Variants in CEACAM4 observed in about 807,000 individuals in gnomAD.
CEACAM4 encodes cell adhesion molecule CEACAM4.
CEACAM4 carries 30 observed loss-of-function variants against 28.7 expected under a neutral mutation model. The observed-to-expected ratio is 1.05, with a 90% CI of 0.78 to 1.42. The LOEUF (loss-of-function observed/expected upper bound fraction) is 1.42, where lower values mean the gene tolerates loss of function less well. Ranked by LOEUF, CEACAM4 falls within the 40% of genes most tolerant of loss-of-function variation. The pLI, the probability that CEACAM4 is intolerant of heterozygous loss-of-function variation, is 0.00. For synonymous variants in CEACAM4, 143 were observed against 126.5 expected, an observed-to-expected ratio of 1.13 and a Z score of -0.87; for missense variants, 330 against 308.2, an observed-to-expected ratio of 1.07 and a Z score of -0.53.
In CEACAM4 at chr19:41,627,000, C is replaced by T. The variant is rs1242949916; in HGVS notation, c.-37G>A. On this transcript the variant is annotated 5_prime_UTR_variant, in exon 1 of 7. Coordinates refer to ENST00000221954, the MANE Select transcript of CEACAM4 (RefSeq NM_001817.4). ...CCTGCTTGTCCTCTGTGGAGAGGAG[C>T]TGGGCTCCAGGAACGCTCTTGTCAG... 106 of 1,558,708 alleles carry T rather than the reference C, an allele frequency of 6.8e-5. No homozygotes were observed. The highest frequency in any genetic ancestry group is 9.0e-5 in the Non-Finnish European group (103 of 1,149,376).
chr19:41,617,178 T>C (rs1255608139), downstream of CEACAM4, among the ~76,000 whole-genome samples: 1 of 152,158 alleles, frequency 6.6e-6, no homozygotes, highest in African/African-American at 2.4e-5. Context: ...GTCCATGAAC[T>C]ATTGAAGGGC....
chr19:41,625,386 CG>C (rs2071573110), intron 2 of CEACAM4, among the ~76,000 whole-genome samples: 1 of 152,136 alleles, frequency 6.6e-6, no homozygotes, highest in African/African-American at 2.4e-5. Flanking sequence ...GAGGCCCCCC[CG>C]CCCCCGCCAT....
downstream of CEACAM4, among the ~76,000 whole-genome samples, chr19:41,615,873 A>G (rs1188321232): frequency 6.6e-6 from 1 of 152,124 alleles, no homozygotes; most frequent in Non-Finnish European, 1.5e-5. Context: ...GATCTGTAGG[A>G]CCAGAGATGC....
chr19:41,625,544 CAT>C, intron 2 of CEACAM4, 55 bp downstream of exon 2: 2 of 1,534,990 alleles, frequency 1.3e-6, no homozygotes, highest in Non-Finnish European at 1.8e-6. Context: ...CTGACAATCT[CAT>C]GTGTGTGAAG....
downstream of CEACAM4, chr19:41,618,885 C>T (rs2122438349): frequency 6.1e-6 from 1 of 165,202 alleles, no homozygotes; most frequent in East Asian, 1.8e-4. Flanking sequence ...ACCCCTATTT[C>T]TGCCTCCCAG....
At chr19:41,623,242 TC>T (rs1446716860) in intron 2 of CEACAM4, among the ~76,000 whole-genome samples, 1 of 152,126 alleles carries the variant, frequency 6.6e-6, no homozygotes, top group African/African-American at 2.4e-5. Flanking sequence ...GGTATCGAAC[TC>T]CTGACCTCAG....
downstream of CEACAM4, among the ~76,000 whole-genome samples, chr19:41,617,407 G>A (rs1555799136): frequency 2.0e-5 from 3 of 152,204 alleles, no homozygotes; most frequent in Admixed American, 2.0e-4. Flanking sequence ...GAACGATGAT[G>A]AGAAGATGGC....
chr19:41,622,408 A>T (rs1380889570), intron 2 of CEACAM4, among the ~76,000 whole-genome samples: 2 of 152,050 alleles, frequency 1.3e-5, no homozygotes, highest in Non-Finnish European at 2.9e-5. Context: ...CCATTCCATG[A>T]TTGTCACAGA....
intron 6 of CEACAM4, 25 bp downstream of exon 6, chr19:41,619,645 C>A (rs373572111): frequency 1.1e-4 from 179 of 1,586,904 alleles, no homozygotes; most frequent in South Asian, 1.8e-4. Flanking sequence ...CCTGCGGGAC[C>A]AGAACATCCA....
chr19:41,626,316 C>T (rs1022867175), intron 1 of CEACAM4, among the ~76,000 whole-genome samples: 2 of 152,174 alleles, frequency 1.3e-5, no homozygotes, highest in Admixed American at 6.5e-5. Flanking sequence ...CCCTTTCTGA[C>T]CTTTCCCAGC....
rs144781407 is a variant in CEACAM4, at chr19:41,626,952, G to C, written c.12C>G (p.Pro4=). 2.6e-4 allele frequency: 415 copies of C among 1,601,926 alleles called. 1 individual carries two copies. In the African/African-American group the frequency reaches 4.6e-3, roughly 18 times the overall value. Residue 4 remains proline, a synonymous_variant, in exon 1 of 7, where the codon CCC becomes CCG. Coordinates refer to ENST00000221954, the MANE Select transcript of CEACAM4 (RefSeq NM_001817.4). ...TGTGCCCTCCACGGGGAGCGGCTGA[G>C]GGGGGGCCCATGGTCTCTGCTGCCT... MGP[P]SAAPRGGHRP... is the part of the protein sequence containing the mutation.
chr19:41,615,759 G>C (rs782577978), downstream of CEACAM4, among the ~76,000 whole-genome samples: 3 of 152,104 alleles, frequency 2.0e-5, no homozygotes, highest in Non-Finnish European at 2.9e-5. Flanking sequence ...GGTGGGGTTT[G>C]TTCCCATCCA....
chr19:41,613,594 G>A, the CEACAM4 span, among the ~76,000 whole-genome samples: 3 of 152,098 alleles, frequency 2.0e-5, no homozygotes, highest in Non-Finnish European at 4.4e-5. Flanking sequence ...CATGGGTCAA[G>A]GCCTTTATTA....
At chr19:41,620,151 G>A (rs1204677364) in intron 5 of CEACAM4, 60 bp downstream of exon 5, 5 of 1,412,736 alleles carry the variant, frequency 3.5e-6, no homozygotes, top group Non-Finnish European at 4.7e-6. Context: ...TGGTCCCCCT[G>A]CCCTGAGCCT....
chr19:41,619,777 G>A, intron 5 of CEACAM4, 66 bp from the exon 6 acceptor site: 1 of 1,357,884 alleles, frequency 7.4e-7, no homozygotes, highest in Non-Finnish European at 1.0e-6. Flanking sequence ...CAGCCTGGAA[G>A]GTTCCTGTCT....
At chr19:41,620,894 G>A (rs1410481253) in intron 3 of CEACAM4, among the ~76,000 whole-genome samples, 1 of 151,996 alleles carries the variant, frequency 6.6e-6, no homozygotes, top group African/African-American at 2.4e-5. Context: ...AGGGACTGAG[G>A]ACTCAGGGAG....
At chr19:41,620,429 C>G (rs1262786095) in intron 4 of CEACAM4, 146 bp downstream of exon 4, 8 of 850,758 alleles carry the variant, frequency 9.4e-6, no homozygotes, top group Non-Finnish European at 1.4e-5. Flanking sequence ...CTGAACAAGA[C>G]AGTCGGGGTC....
At chr19:41,614,565 T>C (rs529971411), downstream of CEACAM4, among the ~76,000 whole-genome samples, 16 of 152,314 alleles carry the variant, frequency 1.1e-4, no homozygotes, top group Non-Finnish European at 1.8e-4. Context: ...CCACACATCA[T>C]CCATATTTAC....
rs2071214254 is a variant in CEACAM4, at chr19:41,620,576, A to T, written c.594T>A (p.Pro198=). The T allele has an allele frequency of 6.2e-7, 1 of 1,612,140 alleles. No homozygotes were observed. Among genetic ancestry groups the T allele is most frequent in the Non-Finnish European group, 8.5e-7 (1 of 1,178,928 alleles). ...LREQPPPAST[P]GHGPSHRSTF... ...CACCTGGGCTGAAGGGACACTCACC[A>T]GGGGTGGAGGCTGGGGGCGGCTGCT... Residue 198 remains proline (P), a splice_region_variant and synonymous_variant, in exon 4 of 7, where the codon CCT becomes CCA. Transcript: ENST00000221954.
Sources: allele counts gnomAD v4.1 joint callset (sites outside exome capture counted in the v4.1 genomes callset), GRCh38; gene constraint gnomAD v4.1.1; transcripts MANE v1.5; gene names NCBI Gene and HGNC (gene_info 2026-07-23, HGNC 2026-07-21).